The following MITF variants were observed in gnomAD, a reference collection of about 807,000 sequenced individuals.
The protein encoded by MITF is melanocyte inducing transcription factor, also known as microphthalmia-associated transcription factor.
MITF carries 17 observed loss-of-function variants against 60.5 expected under a neutral mutation model. That is an observed-to-expected ratio of 0.28 (90% CI 0.19 to 0.42). The LOEUF is 0.42. Ranked by LOEUF, MITF falls within the 10% of genes least tolerant of loss-of-function variation. The pLI, the probability that MITF is intolerant of heterozygous loss-of-function variation, is 1.00. For missense variants in MITF, 622 were observed against 683.5 expected (o/e 0.91, Z 1.00); for synonymous variants, 260 against 248.5 (o/e 1.05, Z -0.43).
chr3:69,845,091 T>A (rs1349278685), intron 1 of MITF, among the ~76,000 whole-genome samples: 1 of 152,216 alleles, frequency 6.6e-6, no homozygotes, highest in Admixed American at 6.5e-5. Flanking sequence ...TGTGTACTAA[T>A]CTTATTCCTG....
chr3:69,852,701 C>T (rs1161201304), intron 1 of MITF, among the ~76,000 whole-genome samples: 4 of 152,176 alleles, frequency 2.6e-5, no homozygotes, highest in Non-Finnish European at 5.9e-5. Context: ...GGTTATGAGG[C>T]ATGCACATGT....
At chr3:69,917,143 A>G (rs1042704744) in intron 2 of MITF, among the ~76,000 whole-genome samples, 2 of 152,132 alleles carry the variant, frequency 1.3e-5, no homozygotes, top group African/African-American at 4.8e-5. Context: ...TAAATCGAGC[A>G]GGTGATATTA....
Position 69,739,467 on chromosome 3 carries a change from A to T in MITF, c.-131A>T. 1.4e-6 allele frequency: 1 copy of T among 721,538 alleles called. No homozygotes were observed. The highest frequency in any genetic ancestry group is 2.1e-6 in the Non-Finnish European group (1 of 465,302). The allele number at this position is 721,538 out of a possible 1,614,324, so 44.7% of individuals were successfully genotyped here. On this transcript the variant is annotated 5_prime_UTR_variant, in exon 1 of 10. Coordinates refer to ENST00000352241, the MANE Select transcript of MITF (RefSeq NM_001354604.2). ...CCCCGCGCTGGGGCGGGCGGCCGCG[A>T]GCCGGCGAGCGGGCAGAGCTCGGCA... is the stretch of plus-strand genomic sequence containing the variant.
At chr3:69,949,476 C>A (rs1049496037) in intron 6 of MITF, among the ~76,000 whole-genome samples, 5 of 152,050 alleles carry the variant, frequency 3.3e-5, no homozygotes, top group African/African-American at 7.3e-5. Context: ...GTAGGCAACT[C>A]TTTCAGCTGT....
intron 1 of MITF, among the ~76,000 whole-genome samples, chr3:69,799,920 G>A (rs1222723317): frequency 1.3e-5 from 2 of 152,052 alleles, no homozygotes; most frequent in African/African-American, 4.8e-5. Flanking sequence ...GTGTTTTTCA[G>A]TCTCTATGTT....
intron 2 of MITF, chr3:69,936,944 A>C: frequency 2.7e-6 from 1 of 374,196 alleles, no homozygotes; most frequent in Non-Finnish European, 4.7e-6. Context: ...TATTAGTAGG[A>C]TTCTTTTTTT....
chr3:69,834,210 C>T (rs1453154091), intron 1 of MITF, among the ~76,000 whole-genome samples: 5 of 152,034 alleles, frequency 3.3e-5, no homozygotes, highest in East Asian at 1.9e-4. Flanking sequence ...AATACAATAC[C>T]TTACTTTTAA....
intron 7 of MITF, among the ~76,000 whole-genome samples, chr3:69,953,445 A>G: frequency 6.6e-6 from 1 of 151,942 alleles, no homozygotes; most frequent in Middle Eastern, 3.2e-3. Flanking sequence ...GGGAATTAAT[A>G]CTCAAGGTTA....
At chr3:69,899,501 G>A (rs542970573) in intron 2 of MITF, among the ~76,000 whole-genome samples, 1 of 152,180 alleles carries the variant, frequency 6.6e-6, no homozygotes, top group South Asian at 2.1e-4. Context: ...AGTGTAGTCT[G>A]CTCTTTGCAG....
chr3:69,949,148 A>G lies in MITF; in HGVS notation c.860A>G (p.Asn287Ser). ...AACTCCTGTCCAGCCAACCTTCCCA[A>G]CATAAAAAGGGAGCTCACAGGTAAA... ...ISNSCPANLPNIKRELTACIF... is the reference protein window; with the variant it reads ...ISNSCPANLPSIKRELTACIF... The change falls in exon 6 of 10, where the codon AAC becomes AGC. Residue 287 changes from asparagine (N) to serine (S), a missense_variant. Asn to Ser is a conservative substitution (Grantham distance 46). Around this residue, in one of 5 missense-constraint regions of MITF, gnomAD observed 215 missense variants for 224.8 expected, o/e 0.96. Transcript: ENST00000352241. 6.2e-7 allele frequency: 1 copy of G among 1,613,374 alleles called. No homozygotes were observed. The highest frequency in any genetic ancestry group is 8.5e-7 in the Non-Finnish European group (1 of 1,179,476).
intron 1 of MITF, among the ~76,000 whole-genome samples, chr3:69,841,871 A>C (rs1366756496): frequency 2.6e-5 from 4 of 152,190 alleles, no homozygotes; most frequent in African/African-American, 7.2e-5. Context: ...GAAAGGAAAA[A>C]TATCAAAATG....
chr3:69,742,013 G>T (rs1026140393), intron 1 of MITF, among the ~76,000 whole-genome samples: 1 of 152,180 alleles, frequency 6.6e-6, no homozygotes, highest in Non-Finnish European at 1.5e-5. Flanking sequence ...AGAGTTGTTA[G>T]AGTTGAAAAT....
chr3:69,894,498 C>A (rs2107327889), intron 2 of MITF, among the ~76,000 whole-genome samples: 1 of 152,132 alleles, frequency 6.6e-6, no homozygotes, highest in East Asian at 1.9e-4. Context: ...CCAGCCTGAC[C>A]AACATGCTGA....
chr3:69,829,120 C>CTAA (rs1487903058), intron 1 of MITF, among the ~76,000 whole-genome samples: 3 of 152,180 alleles, frequency 2.0e-5, no homozygotes, highest in African/African-American at 7.2e-5. Context: ...TCTGTTGGAC[C>CTAA]TAATAATACA....
chr3:69,819,013 A>G (rs2063224665), intron 1 of MITF, among the ~76,000 whole-genome samples: 1 of 152,208 alleles, frequency 6.6e-6, no homozygotes, highest in Non-Finnish European at 1.5e-5. Context: ...CCTCAGTTCT[A>G]TCTGATTAAT....
chr3:69,791,973 A>C (rs1395300858), intron 1 of MITF, among the ~76,000 whole-genome samples: 2 of 152,188 alleles, frequency 1.3e-5, no homozygotes, highest in African/African-American at 2.4e-5. Context: ...TCTGGGAATG[A>C]GACTTGGATA....
chr3:69,941,392 T>C, intron 5 of MITF, 61 bp downstream of exon 5: 1 of 1,019,826 alleles, frequency 9.8e-7, no homozygotes, highest in Non-Finnish European at 1.5e-6. Flanking sequence ...CTTTTCTTTT[T>C]TCTTAAACTT....
At chr3:69,918,776 G>A (rs1041703772) in intron 2 of MITF, among the ~76,000 whole-genome samples, 3 of 152,192 alleles carry the variant, frequency 2.0e-5, no homozygotes, top group Non-Finnish European at 4.4e-5. Context: ...TATAAGAGAT[G>A]CTCAATAAAA....
At chr3:69,767,986 T>C (rs1418466310) in intron 1 of MITF, among the ~76,000 whole-genome samples, 1 of 152,252 alleles carries the variant, frequency 6.6e-6, no homozygotes, top group East Asian at 1.9e-4. Context: ...AACTGCTTAC[T>C]GCTGACAATA....
Sources: gnomAD v4.1 joint callset for allele counts (sites outside exome capture counted in the v4.1 genomes callset) on GRCh38, gnomAD v4.1.1 for gene constraint, gnomAD v4.1.1 regional missense constraint, MANE v1.5 for transcripts, NCBI Gene and HGNC (gene_info 2026-07-23, HGNC 2026-07-21) for gene names.